DPRX: variants seen among roughly 807,000 people sequenced by gnomAD.
DPRX encodes the protein divergent paired-related homeobox.
Under a neutral mutation model 8.4 loss-of-function variants are expected in DPRX, and 11 were observed. The observed-to-expected ratio is 1.31, with a 90% confidence interval of 0.82 to 2.17. The LOEUF is 2.17. DPRX is among the 30% of genes most tolerant of loss of function. The pLI is 0.00. For missense variants in DPRX, 211 were observed against 236.7 expected (o/e 0.89, Z 0.71); for synonymous variants, 72 against 87.0 (o/e 0.83, Z 0.96).
chr19:53,601,483 C>CT, the DPRX span: 93,388 of 306,728 alleles, frequency 0.3, 8,386 homozygotes, highest in African/African-American at 0.35. Context: ...AATGCCTATT[C>CT]TTTTTTTTTT....
At chr19:53,607,500 G>C in the DPRX span, among the ~76,000 whole-genome samples, 1 of 152,098 alleles carries the variant, frequency 6.6e-6, no homozygotes, top group Non-Finnish European at 1.5e-5. Context: ...AGCCATGATC[G>C]TGCTACTGCA....
At chr19:53,619,683 AAAAAAAC>A in the DPRX span, among the ~76,000 whole-genome samples, 6,501 of 150,174 alleles carry the variant, frequency 0.043, 195 homozygotes, top group Non-Finnish European at 0.066. Flanking sequence ...CTCAAAAAAA[AAAAAAAC>A]AAAAAACAGA....
At chr19:53,603,327 C>T in the DPRX span, 1 of 455,700 alleles carries the variant, frequency 2.2e-6, no homozygotes. Flanking sequence ...TTCAAAACAC[C>T]CCGCGGAGAA....
At chr19:53,617,024 T>C in the DPRX span, 3 of 1,202,394 alleles carry the variant, frequency 2.5e-6, no homozygotes, top group Non-Finnish European at 3.7e-6. Flanking sequence ...CCAGTAGCTT[T>C]CTTGGCCTAC....
At chr19:53,626,962 A>G in the DPRX span, among the ~76,000 whole-genome samples, 1 of 152,144 alleles carries the variant, frequency 6.6e-6, no homozygotes, top group Non-Finnish European at 1.5e-5. Context: ...TCGACCTCCC[A>G]AAGTGCTGGG....
the DPRX span, among the ~76,000 whole-genome samples, chr19:53,614,127 T>G: frequency 6.6e-6 from 1 of 152,086 alleles, no homozygotes; most frequent in African/African-American, 2.4e-5. Flanking sequence ...ATTTTTTGTA[T>G]TTTTAGTAGA....
At chr19:53,607,018 A>C in the DPRX span, 1 of 154,170 alleles carries the variant, frequency 6.5e-6, no homozygotes, top group South Asian at 2.0e-4. Context: ...CGCCAAAGCC[A>C]AAAGGCACAA....
At chr19:53,615,800 T>G in the DPRX span, among the ~76,000 whole-genome samples, 1 of 152,126 alleles carries the variant, frequency 6.6e-6, no homozygotes, top group African/African-American at 2.4e-5. Context: ...ATTTTTTTCT[T>G]CTGTTTAAGA....
chr19:53,608,980 GAAAA>G, the DPRX span, among the ~76,000 whole-genome samples: 53 of 118,414 alleles, frequency 4.5e-4, no homozygotes, highest in East Asian at 2.3e-3. Flanking sequence ...AAAAAGGAAA[GAAAA>G]GAAAGAAAGA....
the DPRX span, chr19:53,617,121 G>A: frequency 2.6e-5 from 32 of 1,252,550 alleles, no homozygotes; most frequent in Middle Eastern, 2.6e-3. Flanking sequence ...ATCCTGGACC[G>A]ATCGAATGCA....
At chr19:53,610,892 T>C in the DPRX span, among the ~76,000 whole-genome samples, 1 of 152,054 alleles carries the variant, frequency 6.6e-6, no homozygotes, top group Non-Finnish European at 1.5e-5. Context: ...GACAGAGCAC[T>C]GTACGCTGTT....
chr19:53,632,560 C>T (rs560245106), intron 1 of DPRX, among the ~76,000 whole-genome samples: 1 of 152,116 alleles, frequency 6.6e-6, no homozygotes, highest in Admixed American at 6.6e-5. Flanking sequence ...CCGTCTGGCT[C>T]AGCCTCCCAA....
intron 1 of DPRX, 71 bp from the exon 2 acceptor site, chr19:53,634,460 A>G (rs1207879214): frequency 6.5e-7 from 1 of 1,538,266 alleles, no homozygotes; most frequent in Non-Finnish European, 8.7e-7. Context: ...TGGAAAGGAA[A>G]GGAAAGCTCA....
the DPRX span, among the ~76,000 whole-genome samples, chr19:53,613,288 C>T: frequency 9.9e-5 from 15 of 152,038 alleles, no homozygotes; most frequent in African/African-American, 3.6e-4. Context: ...CCAAAATCAA[C>T]AGCTCACATA....
At chr19:53,630,615 T>C (rs2091089014), upstream of DPRX, among the ~76,000 whole-genome samples, 1 of 151,984 alleles carries the variant, frequency 6.6e-6, no homozygotes, top group South Asian at 2.1e-4. Context: ...GTCAGCTGTG[T>C]TTTTTGAGAC....
At chr19:53,623,877 G>A in the DPRX span, among the ~76,000 whole-genome samples, 1 of 151,482 alleles carries the variant, frequency 6.6e-6, no homozygotes, top group Non-Finnish European at 1.5e-5. Context: ...TTGAACCCAG[G>A]AGGCAGGGGT....
the DPRX span, among the ~76,000 whole-genome samples, chr19:53,609,040 C>A: frequency 6.7e-6 from 1 of 150,342 alleles, no homozygotes; most frequent in Non-Finnish European, 1.5e-5. Flanking sequence ...CCTTACAATT[C>A]ATTTGGAAAC....
At chr19:53,623,953 A>T in the DPRX span, among the ~76,000 whole-genome samples, 3 of 127,488 alleles carry the variant, frequency 2.4e-5, no homozygotes, top group South Asian at 4.7e-4. Flanking sequence ...TCCGTCTCAA[A>T]AAATAAATAA....
At chr19:53,632,000 G>A (rs1028127542), upstream of DPRX, 19 of 1,480,608 alleles carry the variant, frequency 1.3e-5, no homozygotes, top group Non-Finnish European at 1.8e-5. Flanking sequence ...AAAGGTGGAG[G>A]AGGTGGGAGT....
Sources: allele counts gnomAD v4.1 joint callset (sites outside exome capture counted in the v4.1 genomes callset), GRCh38; gene constraint gnomAD v4.1.1; transcripts MANE v1.5; gene names NCBI Gene and HGNC (gene_info 2026-07-23, HGNC 2026-07-21).